The following C16orf78 variants were observed in gnomAD, a reference collection of about 807,000 sequenced individuals.
The protein encoded by C16orf78 is uncharacterized protein C16orf78.
C16orf78 carries 19 observed loss-of-function variants against 27.3 expected under a neutral mutation model. The ratio of observed to expected loss-of-function variants is 0.70; its 90% CI spans 0.49 to 1.02. The LOEUF (loss-of-function observed/expected upper bound fraction) is 1.02, where lower values mean the gene tolerates loss of function less well. C16orf78 is among the 50% of genes least tolerant of loss of function. The pLI is 0.00. For missense variants in C16orf78, 339 were observed against 337.0 expected, an observed-to-expected ratio of 1.01 and a Z score of -0.05; for synonymous variants, 130 against 116.1, an observed-to-expected ratio of 1.12 and a Z score of -0.77.
At chr16:49,377,117 A>G (rs896319674) in intron 1 of C16orf78, among the ~76,000 whole-genome samples, 1 of 152,154 alleles carries the variant, frequency 6.6e-6, no homozygotes, top group Admixed American at 6.5e-5. Flanking sequence ...CCCCTGCGAG[A>G]GCAGGAGGGC....
intron 3 of C16orf78, among the ~76,000 whole-genome samples, chr16:49,392,294 C>T (rs548426718): frequency 1.2e-4 from 18 of 152,276 alleles, no homozygotes; most frequent in African/African-American, 4.3e-4. Context: ...AAATGAATGA[C>T]TTATATTTGT....
intron 1 of C16orf78, among the ~76,000 whole-genome samples, chr16:49,375,383 T>C (rs935232804): frequency 4.0e-5 from 6 of 151,830 alleles, no homozygotes; most frequent in African/African-American, 9.7e-5. Context: ...ACAAGAAGCA[T>C]AGGAGATTCC....
chr16:49,379,670 A>G (rs1365865340), intron 3 of C16orf78, among the ~76,000 whole-genome samples: 3 of 152,146 alleles, frequency 2.0e-5, no homozygotes, highest in Non-Finnish European at 4.4e-5. Flanking sequence ...TCTATAATAT[A>G]CAAAAAAATG....
At chr16:49,380,591 G>A (rs1224873470) in intron 3 of C16orf78, among the ~76,000 whole-genome samples, 1 of 152,164 alleles carries the variant, frequency 6.6e-6, no homozygotes, top group Non-Finnish European at 1.5e-5. Flanking sequence ...ACATTCTACT[G>A]AAGGCTTGGG....
At chr16:49,378,615 C>A (rs768727180) in intron 3 of C16orf78, 22 bp downstream of exon 3, 2 of 1,609,222 alleles carry the variant, frequency 1.2e-6, no homozygotes, top group South Asian at 2.2e-5. Flanking sequence ...ACCTTGGCCC[C>A]GGCCACCAGA....
intron 3 of C16orf78, among the ~76,000 whole-genome samples, chr16:49,390,299 T>C (rs988895826): frequency 7.9e-5 from 12 of 152,236 alleles, no homozygotes; most frequent in African/African-American, 2.9e-4. Context: ...TTTTTGGACA[T>C]TATTTGTTCA....
Position 49,396,626 on chromosome 16 carries a change from C to A in C16orf78, c.598C>A (p.Pro200Thr), listed in dbSNP as rs766101249. The change falls in exon 4 of 5, where the codon CCT becomes ACT. Residue 200 changes from proline to threonine, a missense_variant. Pro to Thr is a conservative substitution (Grantham distance 38, BLOSUM62 -1). Coordinates refer to ENST00000299191, the MANE Select transcript of C16orf78 (RefSeq NM_144602.4). ...LKSLMEKSTE[P>T]KMETMRMLKP... ...GAGCCTCATGGAGAAAAGCACCGAA[C>A]CTAAGATGGAAACCATGAGGATGTT... 1.9e-6 allele frequency: 3 copies of A among 1,613,358 alleles called. No individual in the cohort carries two copies. The highest frequency in any genetic ancestry group is 1.7e-5 in the Admixed American group (1 of 60,028).
chr16:49,392,179 G>A lies in C16orf78; in HGVS notation c.395-4244G>A, dbSNP rs150872339. On this transcript the variant is annotated intron_variant, in intron 3 of 4. Coordinates refer to ENST00000299191, the MANE Select transcript of C16orf78 (RefSeq NM_144602.4). ...CAGACAGAATAATTTACTTACAAGG[G>A]GAAAAAAATCAGCCTGCCATCAACC... is the stretch of plus-strand genomic sequence containing the variant. Among the ~76,000 whole-genome samples, 594 of 152,084 alleles carry A rather than the reference G, an allele frequency of 3.9e-3. 4 individuals carry two copies. The highest frequency in any genetic ancestry group is 0.014 in the African/African-American group (571 of 41,500).
intron 3 of C16orf78, 51 bp downstream of exon 3, chr16:49,378,644 C>T: frequency 6.2e-7 from 1 of 1,609,238 alleles, no homozygotes; most frequent in Middle Eastern, 1.7e-4. Context: ...CCATAATCTC[C>T]TCCTCTAGAA....
chr16:49,376,541 C>A (rs1405476044), intron 1 of C16orf78, among the ~76,000 whole-genome samples: 1 of 152,130 alleles, frequency 6.6e-6, no homozygotes. Flanking sequence ...TGCACTGTTT[C>A]TCCACTAAAC....
chr16:49,383,871 TAAATTAATA>T (rs747146703), intron 3 of C16orf78, among the ~76,000 whole-genome samples: 22 of 152,140 alleles, frequency 1.4e-4, no homozygotes, highest in Admixed American at 1.2e-3. Flanking sequence ...ACCACTAAAA[TAAATTAATA>T]AAGCTCCAAT....
chr16:49,399,318 T>C lies in C16orf78; in HGVS notation c.*40T>C. The C allele has an allele frequency of 3.7e-6, 6 of 1,608,470 alleles. No individual in the cohort carries two copies. The highest frequency in any genetic ancestry group is 5.1e-6 in the Non-Finnish European group (6 of 1,176,818). On this transcript the variant is annotated 3_prime_UTR_variant, in exon 5 of 5. Coordinates refer to ENST00000299191, the MANE Select transcript of C16orf78 (RefSeq NM_144602.4). ...CACCACCTTCAGGCTCCTTCTGTCATGGGACCCTTCACCTCCAGATGCCAT... is the reference window on the plus strand; with the variant it reads ...CACCACCTTCAGGCTCCTTCTGTCACGGGACCCTTCACCTCCAGATGCCAT...
chr16:49,385,352 C>A (rs1461507487), intron 3 of C16orf78, among the ~76,000 whole-genome samples: 1 of 152,058 alleles, frequency 6.6e-6, no homozygotes, highest in Admixed American at 6.5e-5. Context: ...AAGTTGTTAC[C>A]AGTTTAAAAT....
intron 1 of C16orf78, among the ~76,000 whole-genome samples, chr16:49,376,286 C>G (rs575586432): frequency 6.6e-6 from 1 of 152,364 alleles, no homozygotes; most frequent in African/African-American, 2.4e-5. Flanking sequence ...AGCGAAGACC[C>G]CTGAGGTCTG....
chr16:49,375,596 C>T (rs147045501), intron 1 of C16orf78, among the ~76,000 whole-genome samples: 2 of 152,296 alleles, frequency 1.3e-5, no homozygotes, highest in East Asian at 3.9e-4. Flanking sequence ...ATGATCTAAT[C>T]ACCTCCCACC....
At chr16:49,384,415 A>G (rs1965322791) in intron 3 of C16orf78, among the ~76,000 whole-genome samples, 1 of 152,054 alleles carries the variant, frequency 6.6e-6, no homozygotes, top group South Asian at 2.1e-4. Context: ...TCTGAATTGA[A>G]AAACTCAATA....
At chr16:49,389,096 C>T (rs937767079) in intron 3 of C16orf78, among the ~76,000 whole-genome samples, 9 of 151,824 alleles carry the variant, frequency 5.9e-5, no homozygotes, top group African/African-American at 1.2e-4. Flanking sequence ...TTTATGATTC[C>T]ATTTCATCTC....
rs756344768 is a variant in C16orf78 at position 49,374,068 on chromosome 16, G to A, written c.129G>A (p.Gly43=). The change falls in exon 1 of 5, where the codon GGG becomes GGA. Residue 43 remains glycine (G), a synonymous_variant. Transcript: ENST00000299191. ...TGGAGTGGCTGGAGCGGAGGCAGGG[G>A]AAGAAGAAACAAGCTCCCGAGGTGG... is the stretch of plus-strand genomic sequence containing the variant. ...CVLEWLERRQ[G]KKKQAPEKQK... 5 of 1,614,016 alleles carry A rather than the reference G, an allele frequency of 3.1e-6. No homozygotes were observed. The highest frequency in any genetic ancestry group is 4.2e-6 in the Non-Finnish European group (5 of 1,180,018).
intron 1 of C16orf78, among the ~76,000 whole-genome samples, chr16:49,375,454 C>T (rs947866308): frequency 6.6e-6 from 1 of 152,188 alleles, no homozygotes; most frequent in Non-Finnish European, 1.5e-5. Context: ...GGAGCAGGCA[C>T]TTCACATGGC....
Sources: gnomAD v4.1 joint callset for allele counts (sites outside exome capture counted in the v4.1 genomes callset) on GRCh38, gnomAD v4.1.1 for gene constraint, MANE v1.5 for transcripts, NCBI Gene and HGNC (gene_info 2026-07-23, HGNC 2026-07-21) for gene names.